Variants in MAPK10 observed in about 807,000 individuals in gnomAD.
MAPK10 encodes the protein mitogen-activated protein kinase 10.
Under a neutral mutation model 59.3 loss-of-function variants are expected in MAPK10, and 25 were observed. That is an observed-to-expected ratio of 0.42 (90% CI 0.31 to 0.59). MAPK10 has a LOEUF of 0.59. Among genes scored for constraint, MAPK10 ranks in the 20% least tolerant of loss-of-function variants. MAPK10 has a pLI of 0.15. For missense variants in MAPK10, 351 were observed against 568.9 expected (o/e 0.62, Z 3.90); for synonymous variants, 190 against 200.5 (o/e 0.95, Z 0.44).
At chr4:86,513,953 C>A (rs112716662) in intron 1 of MAPK10, among the ~76,000 whole-genome samples, 7,128 of 152,166 alleles carry the variant, frequency 0.047, 225 homozygotes, top group African/African-American at 0.059. Flanking sequence ...CTCCTACTTG[C>A]CAACCACTTC....
chr4:86,340,888 T>C (rs1005952639), intron 2 of MAPK10, among the ~76,000 whole-genome samples: 2 of 152,238 alleles, frequency 1.3e-5, no homozygotes, highest in African/African-American at 4.8e-5. Flanking sequence ...CTCAATCATT[T>C]TCCACCTCTA....
At chr4:86,364,473 G>C (rs951739707), upstream of MAPK10, among the ~76,000 whole-genome samples, 4 of 152,090 alleles carry the variant, frequency 2.6e-5, no homozygotes, top group African/African-American at 9.7e-5. Context: ...TTGATTCTTG[G>C]TATTAGTTAC....
At chr4:86,472,461 A>G (rs1752736715) in intron 1 of MAPK10, among the ~76,000 whole-genome samples, 1 of 152,236 alleles carries the variant, frequency 6.6e-6, no homozygotes, top group Non-Finnish European at 1.5e-5. Flanking sequence ...CCTGGGCAAC[A>G]TGGCAAAACC....
At chr4:86,390,020 A>G (rs923003528) in intron 1 of MAPK10, among the ~76,000 whole-genome samples, 34 of 152,222 alleles carry the variant, frequency 2.2e-4, no homozygotes, top group African/African-American at 7.7e-4. Flanking sequence ...CATCAACTAA[A>G]TATTGCCTTT....
intron 2 of MAPK10, among the ~76,000 whole-genome samples, 158 bp from the exon 3 acceptor site, chr4:86,194,565 T>C (rs1201786906): frequency 1.3e-5 from 2 of 152,318 alleles, no homozygotes; most frequent in African/African-American, 2.4e-5. Flanking sequence ...CTTTCACAAA[T>C]TGTATTTAAT....
intron 1 of MAPK10, among the ~76,000 whole-genome samples, chr4:86,468,718 G>A (rs1056205185): frequency 6.6e-6 from 1 of 152,110 alleles, no homozygotes; most frequent in African/African-American, 2.4e-5. Flanking sequence ...GCCAGGCGTG[G>A]TGGCATGCAC....
At chr4:86,441,214 G>A (rs1048421861) in intron 1 of MAPK10, among the ~76,000 whole-genome samples, 1 of 152,170 alleles carries the variant, frequency 6.6e-6, no homozygotes, top group African/African-American at 2.4e-5. Flanking sequence ...GTGTGTGACT[G>A]TCTTGTTTCT....
rs1044197263 is a variant in MAPK10, at chr4:86,313,644, C to G, written c.-7+40886G>C. Among the ~76,000 whole-genome samples, 79 of 152,128 alleles carry G rather than the reference C, an allele frequency of 5.2e-4. 1 individual carries two copies. The highest frequency in any genetic ancestry group is 1.8e-3 in the African/African-American group (75 of 41,440). ...AACATTGTTTGTCATTAGGGAAATT[C>G]AGTTTAAAACCACAATAAGATATCT... On this transcript the variant is annotated intron_variant, in intron 2 of 13. Transcript: ENST00000641462.
At chr4:86,160,793 C>T (rs939009866) in intron 3 of MAPK10, among the ~76,000 whole-genome samples, 14 of 151,966 alleles carry the variant, frequency 9.2e-5, no homozygotes, top group African/African-American at 3.4e-4. Context: ...TTCTGAAAAT[C>T]GAATTCTGAT....
At chr4:86,199,914 CAGGAAGATAAA>C (rs2082243520) in intron 2 of MAPK10, among the ~76,000 whole-genome samples, 2 of 151,752 alleles carry the variant, frequency 1.3e-5, no homozygotes, top group Non-Finnish European at 2.9e-5. Flanking sequence ...GTTTGTAAAG[CAGGAAGATAAA>C]AGGAACCATT....
chr4:86,336,011 G>A (rs1721096992), intron 2 of MAPK10, among the ~76,000 whole-genome samples: 1 of 152,136 alleles, frequency 6.6e-6, no homozygotes, highest in Non-Finnish European at 1.5e-5. Context: ...TTCATATAAT[G>A]TCAGAGATGT....
intron 9 of MAPK10, chr4:86,091,357 A>C (rs1667043708): frequency 6.6e-6 from 1 of 151,622 alleles, no homozygotes; most frequent in Non-Finnish European, 1.5e-5. Flanking sequence ...ACCACTTAGA[A>C]AGGCATCCTA....
intron 4 of MAPK10, among the ~76,000 whole-genome samples, chr4:86,116,464 C>T (rs927192016): frequency 7.2e-5 from 11 of 152,184 alleles, no homozygotes; most frequent in South Asian, 2.1e-4. Context: ...TTTCAAAAAA[C>T]GGGCATCTGG....
chr4:86,379,416 G>A (rs1287188309), intron 1 of MAPK10, among the ~76,000 whole-genome samples: 14 of 152,142 alleles, frequency 9.2e-5, no homozygotes, highest in Non-Finnish European at 2.1e-4. Flanking sequence ...CTTTTCTGTT[G>A]GGAATAGGCC....
chr4:86,545,557 G>T (rs1353399861), intron 1 of MAPK10, among the ~76,000 whole-genome samples: 1 of 152,182 alleles, frequency 6.6e-6, no homozygotes, highest in Non-Finnish European at 1.5e-5. Flanking sequence ...AAAGGGGCAT[G>T]TATTGATAGC....
intron 1 of MAPK10, among the ~76,000 whole-genome samples, chr4:86,406,761 C>T (rs1744412568): frequency 6.6e-6 from 1 of 152,182 alleles, no homozygotes; most frequent in Non-Finnish European, 1.5e-5. Context: ...TGGTGACAGG[C>T]TGGACAGGAG....
rs146803773 is a variant in MAPK10, at chr4:86,591,745, G to A, written c.-263+2165C>T. On this transcript the variant is annotated intron_variant, in intron 1 of 4. Coordinates refer to the MAPK10 transcript ENST00000502302. ...TGCCTCTAAAAGCTTTTCAGTTGAT[G>A]CTTTGGAGTTTTCATATTATTTGCA... is the stretch of plus-strand genomic sequence containing the variant. Among the ~76,000 whole-genome samples the A allele has an allele frequency of 3.4e-3, 510 of 152,128 alleles. 1 individual carries two copies. The highest frequency in any genetic ancestry group is 0.012 in the African/African-American group (493 of 41,494).
chr4:86,165,004 C>T (rs1198770332), intron 3 of MAPK10, among the ~76,000 whole-genome samples: 2 of 152,240 alleles, frequency 1.3e-5, no homozygotes, highest in South Asian at 2.1e-4. Context: ...ATTTATTGAG[C>T]ACCTACTGTG....
chr4:86,428,747 A>G (rs1747642556), intron 1 of MAPK10, among the ~76,000 whole-genome samples: 1 of 152,202 alleles, frequency 6.6e-6, no homozygotes, highest in South Asian at 2.1e-4. Flanking sequence ...TTAACATTTC[A>G]CAATTTCTTT....
Sources: allele counts gnomAD v4.1 joint callset (sites outside exome capture counted in the v4.1 genomes callset), GRCh38; gene constraint gnomAD v4.1.1; transcripts MANE v1.5; gene names NCBI Gene and HGNC (gene_info 2026-07-23, HGNC 2026-07-21).